The following NBEAL2 variants were observed in gnomAD, a reference collection of about 807,000 sequenced individuals.
NBEAL2 encodes the protein neurobeachin-like protein 2.
NBEAL2 carries 160 observed loss-of-function variants against 299.8 expected under a neutral mutation model. The observed-to-expected ratio is 0.53, with a 90% CI of 0.47 to 0.61. The LOEUF (loss-of-function observed/expected upper bound fraction) is 0.61, where lower values mean the gene tolerates loss of function less well. Among genes scored for constraint, NBEAL2 ranks in the 20% least tolerant of loss-of-function variants. The pLI, the probability that NBEAL2 is intolerant of heterozygous loss-of-function variation, is 0.00. For missense variants in NBEAL2, 3,112 were observed against 3,649.0 expected, an observed-to-expected ratio of 0.85 and a Z score of 3.79; for synonymous variants, 1,493 against 1,542.3, an observed-to-expected ratio of 0.97 and a Z score of 0.75.
Position 46,988,639 on chromosome 3 carries a change from C to A in NBEAL2, c.52-30C>A, listed in dbSNP as rs760571798. Reference sequence around the variant, plus strand: ...CCTGTTTACTGCATCCCTCCTGCCCCCCACCACTGTTCCCCTGTTCTGCCT... The same window carrying A: ...CCTGTTTACTGCATCCCTCCTGCCCACCACCACTGTTCCCCTGTTCTGCCT... On this transcript the variant is annotated intron_variant, in intron 1 of 53. Coordinates refer to ENST00000450053, the MANE Select transcript of NBEAL2 (RefSeq NM_015175.3). This position sits in a 1 kb window ranked among gnomAD's most constrained non-coding sequence, Gnocchi z 4.4. 6.3e-7 allele frequency: 1 copy of A among 1,597,350 alleles called. No individual in the cohort carries two copies.
At chr3:46,992,310 G>A (rs536861178) in intron 9 of NBEAL2, among the ~76,000 whole-genome samples, 165 bp from the exon 10 acceptor site, 3 of 152,236 alleles carry the variant, frequency 2.0e-5, no homozygotes, top group South Asian at 4.1e-4. Flanking sequence ...TCATCCCCCC[G>A]ACTGCCCATC....
intron 1 of NBEAL2, among the ~76,000 whole-genome samples, chr3:46,983,936 C>T (rs565189885): frequency 2.0e-5 from 3 of 152,008 alleles, no homozygotes; most frequent in Non-Finnish European, 2.9e-5. Context: ...GCTCTTGAGC[C>T]GCTTGCTTGA....
rs2036601102 is a variant in NBEAL2 at position 46,997,629 on chromosome 3, A to G, written c.2893A>G (p.Met965Val). 4 of 1,596,968 alleles carry G rather than the reference A, an allele frequency of 2.5e-6. No homozygotes were observed. Among genetic ancestry groups the G allele is most frequent in the Non-Finnish European group, 3.4e-6 (4 of 1,167,840 alleles). The change falls in exon 20 of 54, where the codon ATG (methionine) becomes GTG (valine). Residue 965 changes from methionine (M) to valine (V), a missense_variant. By Grantham distance (21) the Met-to-Val change is conservative. Coordinates refer to ENST00000450053, the MANE Select transcript of NBEAL2 (RefSeq NM_015175.3). Reference protein sequence around the residue: ...LMLRNFLQGHMVNQESLVQCQ... With the variant: ...LMLRNFLQGHVVNQESLVQCQ... ...GCTGCGGAACTTCCTTCAGGGTCACATGGTGAACCAAGAGAGCCTGGTGCA... is the reference window on the plus strand; with the variant it reads ...GCTGCGGAACTTCCTTCAGGGTCACGTGGTGAACCAAGAGAGCCTGGTGCA...
Position 46,988,598 on chromosome 3 carries a change from A to G in NBEAL2, c.52-71A>G. ...CCATTCATTCTTCGCCTCTGTCTAC[A>G]TCCCCTTGTCCCTGCCCTGTTTACT... On this transcript the variant is annotated intron_variant, in intron 1 of 53. Coordinates refer to ENST00000450053, the MANE Select transcript of NBEAL2 (RefSeq NM_015175.3). This position sits in a 1 kb window ranked among gnomAD's most constrained non-coding sequence, Gnocchi z 4.4. 2.2e-6 allele frequency: 3 copies of G among 1,338,000 alleles called. No homozygotes were observed. The highest frequency in any genetic ancestry group is 3.2e-6 in the Non-Finnish European group (3 of 934,700). 82.9% of individuals were successfully genotyped at this position (1,338,000 alleles called of 1,614,324 possible).
chr3:46,984,348 C>T (rs1374581312), intron 1 of NBEAL2, among the ~76,000 whole-genome samples: 1 of 152,150 alleles, frequency 6.6e-6, no homozygotes, highest in Non-Finnish European at 1.5e-5. Context: ...AGGGGATGGT[C>T]AGGCCCTGGG....
chr3:46,985,341 G>A (rs949965126), intron 1 of NBEAL2, among the ~76,000 whole-genome samples: 5 of 152,186 alleles, frequency 3.3e-5, no homozygotes, highest in African/African-American at 9.7e-5. Flanking sequence ...CTTGGGGTAC[G>A]TCAGGCAGGG....
rs551422238 is a variant in NBEAL2 at position 46,987,117 on chromosome 3, G to T, written c.52-1552G>T. On this transcript the variant is annotated intron_variant, in intron 1 of 53. Coordinates refer to ENST00000450053, the MANE Select transcript of NBEAL2 (RefSeq NM_015175.3). Reference sequence around the variant, plus strand: ...TTCCCCAATCACAGGGTGGACGGCTGCTCTGCCTAGGTTTTTTGGGGATCT... The same window carrying T: ...TTCCCCAATCACAGGGTGGACGGCTTCTCTGCCTAGGTTTTTTGGGGATCT... Among the ~76,000 whole-genome samples, 50 of 152,372 alleles carry T rather than the reference G, an allele frequency of 3.3e-4. No homozygotes were observed. In the South Asian group the frequency reaches 0.01, roughly 31 times the overall value.
chr3:47,004,563 C>A lies in NBEAL2; in HGVS notation c.6267C>A (p.Thr2089=). The change falls in exon 38 of 54, where the codon ACC becomes ACA. Residue 2089 remains threonine (T), a synonymous_variant. Transcript: ENST00000450053. This position sits in a 1 kb window ranked among gnomAD's most constrained non-coding sequence, Gnocchi z 5.0. Reference sequence around the variant, plus strand: ...AACTCAACACCATTGCGGGGCGGACCTACAATGACCTGTCTCAGTACCCTG... The same window carrying A: ...AACTCAACACCATTGCGGGGCGGACATACAATGACCTGTCTCAGTACCCTG... The part of the protein sequence containing the change: ...LMQLNTIAGR[T]YNDLSQYPVF... 6.2e-7 allele frequency: 1 copy of A among 1,613,758 alleles called. No homozygotes were observed. The highest frequency in any genetic ancestry group is 8.5e-7 in the Non-Finnish European group (1 of 1,179,830).
rs748699106 is a variant in NBEAL2 at position 46,988,713 on chromosome 3, T to G, written c.96T>G (p.Gly32=). 1 of 1,613,696 alleles carries G rather than the reference T, an allele frequency of 6.2e-7. No homozygotes were observed. The highest frequency in any genetic ancestry group is 1.3e-5 in the African/African-American group (1 of 74,896). The change falls in exon 2 of 54, where the codon GGT becomes GGG. Residue 32 remains glycine (G), a synonymous_variant. Transcript: ENST00000450053. The surrounding 1 kb of genome is among the most constrained non-coding windows in gnomAD (Gnocchi z 4.4). Reference sequence around the variant, plus strand: ...AGCAGTGGCTGAAGGCCTTTGTAGGTGCCTTCAAGAAGAGCATCTCACTGT... The same window carrying G: ...AGCAGTGGCTGAAGGCCTTTGTAGGGGCCTTCAAGAAGAGCATCTCACTGT... ...YLQQWLKAFV[G]AFKKSISLSS...
chr3:46,987,545 G>A (rs578204834), intron 1 of NBEAL2, among the ~76,000 whole-genome samples: 3 of 152,360 alleles, frequency 2.0e-5, no homozygotes, highest in Non-Finnish European at 4.4e-5. Flanking sequence ...GTTCCTGAGC[G>A]AAGAGAACTG....
Position 47,000,090 on chromosome 3 carries a change from G to T in NBEAL2, c.3991G>T (p.Val1331Phe). The T allele has an allele frequency of 6.2e-7, 1 of 1,613,606 alleles. No homozygotes were observed. The highest frequency in any genetic ancestry group is 8.5e-7 in the Non-Finnish European group (1 of 1,179,866). The change falls in exon 27 of 54, where the codon GTC (valine) becomes TTC (phenylalanine). Residue 1331 changes from valine to phenylalanine, a missense_variant. Physicochemically the swap from Val to Phe is conservative, Grantham distance 50. Transcript: ENST00000450053. This position sits in a 1 kb window ranked among gnomAD's most constrained non-coding sequence, Gnocchi z 4.5. ...PTESPAEPSD[V>F]FLPSEAPCPD... is the part of the protein sequence containing the mutation. ...TGAGTCACCTGCTGAGCCTTCAGAT[G>T]TCTTCCTGCCCTCAGAGGCCCCCTG...
In NBEAL2 at chr3:46,996,366, C is replaced by T. The variant is rs1167465167; in HGVS notation, c.2247C>T (p.Tyr749=). The change falls in exon 16 of 54, where the codon TAC becomes TAT. Residue 749 remains tyrosine (Y), a synonymous_variant. Transcript: ENST00000450053. ...PTPPVPATLA[Y]THPALTRSQS... The stretch of plus-strand genomic sequence containing the variant: ...CACCAGTCCCCGCCACCCTGGCCTA[C>T]ACTCACCCCGCCCTCACCCGCTCCC... 2 of 1,612,526 alleles carry T rather than the reference C, an allele frequency of 1.2e-6. No individual in the cohort carries two copies. Among genetic ancestry groups the T allele is most frequent in the Non-Finnish European group, 8.5e-7 (1 of 1,179,796 alleles).
At chr3:46,992,663 G>T in intron 10 of NBEAL2, 108 bp downstream of exon 10, 1 of 1,065,434 alleles carries the variant, frequency 9.4e-7, no homozygotes, top group Non-Finnish European at 1.4e-6. Flanking sequence ...GCCTGGTGTG[G>T]TCTAGAAATG....
At chr3:46,997,728 G>A (rs1176369203) in intron 20 of NBEAL2, 34 bp downstream of exon 20, 1 of 1,459,590 alleles carries the variant, frequency 6.9e-7, no homozygotes, top group South Asian at 1.5e-5. Context: ...GGGGGTTAGG[G>A]GTATGGTCAG....
Position 47,004,539 on chromosome 3 carries a change from ACT to A in NBEAL2, c.6245_6246del (p.Leu2082GlnfsTer10). On this transcript the variant is annotated frameshift_variant, in exon 38 of 54. Coordinates refer to ENST00000450053, the MANE Select transcript of NBEAL2 (RefSeq NM_015175.3). LOFTEE classifies it high-confidence loss of function. The surrounding 1 kb of genome is among the most constrained non-coding windows in gnomAD (Gnocchi z 5.0). ...TATCCAACTTCGAGTACTTGATGCA[ACT>A]CAACACCATTGCGGGGCGGACCTAC... ...EISNFEYLMQ[L>X]NTIAGRTYND... is the part of the protein sequence containing the mutation. 1 of 1,613,650 alleles carries A rather than the reference ACT, an allele frequency of 6.2e-7. No individual in the cohort carries two copies. Among genetic ancestry groups the A allele is most frequent in the Non-Finnish European group, 8.5e-7 (1 of 1,179,798 alleles).
At position 46,996,394 on chromosome 3, in the gene NBEAL2, T is replaced by C. The variant is rs1373210883; in HGVS notation, c.2275T>C (p.Ser759Pro). 1.2e-6 allele frequency: 2 copies of C among 1,611,888 alleles called. No homozygotes were observed. The highest frequency in any genetic ancestry group is 1.7e-6 in the Non-Finnish European group (2 of 1,179,602). ...TCACCCCGCCCTCACCCGCTCCCAG[T>C]CAGTCCCAGCCTCCACAGGGCTTGG... Reference protein sequence around the residue: ...YTHPALTRSQSVPASTGLGWG... With the variant: ...YTHPALTRSQPVPASTGLGWG... The change falls in exon 16 of 54, where the codon TCA becomes CCA. Residue 759 changes from serine to proline, a missense_variant. Ser to Pro is a moderately conservative substitution (Grantham distance 74). Coordinates refer to ENST00000450053, the MANE Select transcript of NBEAL2 (RefSeq NM_015175.3).
In NBEAL2 at chr3:47,003,797, G is replaced by A; in HGVS notation, c.5721-19G>A. On this transcript the variant is annotated intron_variant, in intron 35 of 53. Coordinates refer to ENST00000450053, the MANE Select transcript of NBEAL2 (RefSeq NM_015175.3). The surrounding 1 kb of genome is among the most constrained non-coding windows in gnomAD (Gnocchi z 7.0). ...GGGGTCCCAGAGCCTACAGCGTGAG[G>A]TGGGTTGCTGGTCTTTAGGATGGAG... 2 of 1,578,684 alleles carry A rather than the reference G, an allele frequency of 1.3e-6. No homozygotes were observed. The highest frequency in any genetic ancestry group is 2.3e-5 in the South Asian group (2 of 86,730).
In NBEAL2 at chr3:46,994,007, C is replaced by T; in HGVS notation, c.1184C>T (p.Ser395Phe). 1.2e-6 allele frequency: 2 copies of T among 1,610,572 alleles called. No homozygotes were observed. Among genetic ancestry groups the T allele is most frequent in the Non-Finnish European group, 1.7e-6 (2 of 1,178,724 alleles). ...VRVLTCIMSD[S>F]PSAKEVFKER... ...GTGCTGACCTGCATCATGAGTGACT[C>T]CCCCTCGGCCAAGGTGAGGCTGCTG... The change falls in exon 11 of 54, where the codon TCC becomes TTC. Residue 395 changes from serine to phenylalanine, a missense_variant. Physicochemically the swap from Ser to Phe is radical, Grantham distance 155. Around this residue, in one of 3 missense-constraint regions of NBEAL2, gnomAD observed 2,243 missense variants for 2,538.1 expected, o/e 0.88. Transcript: ENST00000450053.
At position 46,989,290 on chromosome 3, in the gene NBEAL2, G is replaced by A. The variant is rs1267569052; in HGVS notation, c.382G>A (p.Gly128Ser). 1.2e-6 allele frequency: 2 copies of A among 1,609,340 alleles called. No homozygotes were observed. The highest frequency in any genetic ancestry group is 1.7e-4 in the Middle Eastern group (1 of 6,058). ...LKGCPPPQGR[G>S]TQLENVALHA... The stretch of plus-strand genomic sequence containing the variant: ...AGGATGCCCACCACCCCAGGGCCGA[G>A]GCACGCAGTTGGAGAATGTGGCCCT... The change falls in exon 5 of 54, where the codon GGC becomes AGC. Residue 128 changes from glycine to serine, a missense_variant. Physicochemically the swap from Gly to Ser is moderately conservative, Grantham distance 56. Around this residue, in one of 3 missense-constraint regions of NBEAL2, gnomAD observed 2,243 missense variants for 2,538.1 expected, o/e 0.88. Coordinates refer to ENST00000450053, the MANE Select transcript of NBEAL2 (RefSeq NM_015175.3). This position sits in a 1 kb window ranked among gnomAD's most constrained non-coding sequence, Gnocchi z 5.5.
Sources: gnomAD v4.1 joint callset for allele counts (sites outside exome capture counted in the v4.1 genomes callset) on GRCh38, gnomAD v4.1.1 for gene constraint, gnomAD v4.1.1 regional missense constraint, Gnocchi (gnomAD v3.1) non-coding constraint, MANE v1.5 for transcripts, NCBI Gene and HGNC (gene_info 2026-07-23, HGNC 2026-07-21) for gene names.